PRKCH: variants seen among roughly 807,000 people sequenced by gnomAD.
PRKCH encodes the protein protein kinase C eta, also known as protein kinase C eta type.
In PRKCH, 28 loss-of-function variants were observed where a neutral mutation model predicts 82.5. The ratio of observed to expected loss-of-function variants is 0.34; its 90% CI spans 0.25 to 0.47. The LOEUF is 0.47. PRKCH is among the 20% of genes least tolerant of loss of function. The pLI, the probability that PRKCH is intolerant of heterozygous loss-of-function variation, is 1.00. For synonymous variants in PRKCH, 322 were observed against 327.4 expected, an observed-to-expected ratio of 0.98 and a Z score of 0.18; for missense variants, 705 against 881.8, an observed-to-expected ratio of 0.80 and a Z score of 2.54.
At chr14:61,332,092 G>A (rs905340189) in intron 1 of PRKCH, among the ~76,000 whole-genome samples, 3 of 152,212 alleles carry the variant, frequency 2.0e-5, no homozygotes, top group Admixed American at 2.0e-4. Flanking sequence ...GAATCCCACT[G>A]TTTTGCTAGA....
intron 1 of PRKCH, among the ~76,000 whole-genome samples, chr14:61,251,280 C>T (rs2044943846): frequency 6.6e-6 from 1 of 152,154 alleles, no homozygotes; most frequent in African/African-American, 2.4e-5. Context: ...CCCTGTTGTG[C>T]TATCAAGTAC....
At chr14:61,338,229 C>T (rs2045883895) in intron 1 of PRKCH, among the ~76,000 whole-genome samples, 1 of 152,186 alleles carries the variant, frequency 6.6e-6, no homozygotes, top group Non-Finnish European at 1.5e-5. Context: ...GTTTGGGATT[C>T]AGGAAATGTT....
chr14:61,503,614 G>A (rs780824485), intron 10 of PRKCH, among the ~76,000 whole-genome samples: 4 of 152,088 alleles, frequency 2.6e-5, no homozygotes, highest in East Asian at 3.8e-4. Flanking sequence ...AGCATTTCTC[G>A]GCATTTCAGC....
chr14:61,379,157 C>A (rs2046464266), intron 1 of PRKCH, among the ~76,000 whole-genome samples: 1 of 152,190 alleles, frequency 6.6e-6, no homozygotes, highest in Non-Finnish European at 1.5e-5. Flanking sequence ...TCATCTGTAA[C>A]CCCTATACAT....
At chr14:61,540,745 C>A (rs1262592393) in intron 12 of PRKCH, among the ~76,000 whole-genome samples, 4 of 152,180 alleles carry the variant, frequency 2.6e-5, no homozygotes, top group African/African-American at 9.6e-5. Context: ...AGTCTGGATA[C>A]CTGGCAGGGT....
intron 1 of PRKCH, among the ~76,000 whole-genome samples, chr14:61,272,196 C>G (rs180877616): frequency 4.8e-4 from 73 of 151,180 alleles, no homozygotes; most frequent in African/African-American, 1.8e-3. Context: ...CCACTGCACT[C>G]TGGCCTGGGC....
chr14:61,485,928 A>AT (rs113815768), intron 10 of PRKCH, among the ~76,000 whole-genome samples: 5 of 152,290 alleles, frequency 3.3e-5, no homozygotes, highest in African/African-American at 1.2e-4. Flanking sequence ...CACATGGCTA[A>AT]TTTTTATTTT....
intron 10 of PRKCH, 34 bp downstream of exon 10, chr14:61,485,690 A>T: frequency 6.3e-7 from 1 of 1,596,596 alleles, no homozygotes; most frequent in Non-Finnish European, 8.6e-7. Flanking sequence ...CTTCTAATTC[A>T]CTGCCTCTTC....
At chr14:61,400,970 G>A (rs1881584962) in intron 2 of PRKCH, among the ~76,000 whole-genome samples, 1 of 152,074 alleles carries the variant, frequency 6.6e-6, no homozygotes, top group African/African-American at 2.4e-5. Context: ...TGGGGGTGGG[G>A]GGGCAGCATT....
chr14:61,529,096 C>T lies in PRKCH; in HGVS notation c.1455C>T (p.Val485=), dbSNP rs753431193. 5.0e-6 allele frequency: 8 copies of T among 1,612,630 alleles called. No individual in the cohort carries two copies. The South Asian group carries it at 7.7e-5, about 16-fold the overall frequency. The change falls in exon 11 of 14, where the codon GTC becomes GTT. Residue 485 remains valine, a synonymous_variant. Coordinates refer to ENST00000332981, the MANE Select transcript of PRKCH (RefSeq NM_006255.5). ...IIYRDLKLDN[V]LLDHEGHCKL... is the part of the protein sequence containing the mutation. ...TCAGAGATCTGAAACTGGACAATGT[C>T]CTGTTGGACCACGAGGGTCACTGTA...
chr14:61,378,571 G>A (rs2046456401), intron 1 of PRKCH, among the ~76,000 whole-genome samples: 1 of 152,090 alleles, frequency 6.6e-6, no homozygotes, highest in African/African-American at 2.4e-5. Context: ...TGTAATTTGT[G>A]GTGTTCCTCC....
At chr14:61,442,354 A>G (rs1024692950) in intron 2 of PRKCH, among the ~76,000 whole-genome samples, 19 of 152,222 alleles carry the variant, frequency 1.2e-4, no homozygotes, top group South Asian at 2.1e-4. Context: ...ATCCTGTACC[A>G]ATGGGTTTTG....
chr14:61,497,426 A>G (rs970720664), intron 10 of PRKCH, among the ~76,000 whole-genome samples: 2 of 152,198 alleles, frequency 1.3e-5, no homozygotes, highest in African/African-American at 4.8e-5. Flanking sequence ...GTTCACTTTT[A>G]AACATTCTGT....
chr14:61,470,410 T>C (rs1235229138), intron 9 of PRKCH, among the ~76,000 whole-genome samples: 1 of 152,114 alleles, frequency 6.6e-6, no homozygotes, highest in East Asian at 1.9e-4. Context: ...ACGCCCTGTC[T>C]ACCTCCCGTC....
chr14:61,480,550 TTGTAGCTGA>T (rs1311146598), intron 9 of PRKCH, among the ~76,000 whole-genome samples: 1 of 152,222 alleles, frequency 6.6e-6, no homozygotes, highest in Non-Finnish European at 1.5e-5. Flanking sequence ...TGATTTGCTT[TTGTAGCTGA>T]TGTTGTTTTA....
At chr14:61,220,311 G>T (rs547075981) in intron 1 of PRKCH, among the ~76,000 whole-genome samples, 1 of 152,202 alleles carries the variant, frequency 6.6e-6, no homozygotes, top group South Asian at 2.1e-4. Flanking sequence ...TGATCACCTC[G>T]GCCAGAGCTA....
chr14:61,397,261 G>C (rs2140211812), intron 2 of PRKCH, among the ~76,000 whole-genome samples: 1 of 152,360 alleles, frequency 6.6e-6, no homozygotes, highest in East Asian at 1.9e-4. Context: ...ATGATGCTCA[G>C]ATGGTGCCTC....
At chr14:61,343,151 C>A (rs980186331) in intron 1 of PRKCH, among the ~76,000 whole-genome samples, 1 of 152,084 alleles carries the variant, frequency 6.6e-6, no homozygotes, top group Non-Finnish European at 1.5e-5. Flanking sequence ...GCCTGATTGG[C>A]GTTTCCAGTA....
intron 10 of PRKCH, among the ~76,000 whole-genome samples, chr14:61,489,970 T>C (rs1271162522): frequency 6.6e-6 from 1 of 152,214 alleles, no homozygotes. Flanking sequence ...ATCTGAAATA[T>C]GTTGGGTGAG....
Sources: allele counts gnomAD v4.1 joint callset (sites outside exome capture counted in the v4.1 genomes callset), GRCh38; gene constraint gnomAD v4.1.1; transcripts MANE v1.5; gene names NCBI Gene and HGNC (gene_info 2026-07-23, HGNC 2026-07-21).